Variants in FNDC3B observed in about 807,000 individuals in gnomAD.
FNDC3B encodes the protein fibronectin type III domain containing 3B.
FNDC3B carries 12 observed loss-of-function variants against 151.5 expected under a neutral mutation model. The ratio of observed to expected loss-of-function variants is 0.08; its 90% CI spans 0.05 to 0.13. The LOEUF (loss-of-function observed/expected upper bound fraction) is 0.13. Among genes scored for constraint, FNDC3B ranks in the 10% least tolerant of loss-of-function variants. FNDC3B has a pLI of 1.00. For missense variants in FNDC3B, 1,214 were observed against 1,505.3 expected (o/e 0.81, Z 3.20); for synonymous variants, 528 against 549.0 (o/e 0.96, Z 0.54).
chr3:172,318,408 C>T (rs1427231393), intron 11 of FNDC3B, among the ~76,000 whole-genome samples: 2 of 152,182 alleles, frequency 1.3e-5, no homozygotes, highest in Admixed American at 6.5e-5. Context: ...ATTGAGTTGG[C>T]CCCGTAGAAG....
At chr3:172,319,035 GC>G (rs1288108334) in intron 11 of FNDC3B, among the ~76,000 whole-genome samples, 4 of 152,326 alleles carry the variant, frequency 2.6e-5, no homozygotes, top group Middle Eastern at 3.4e-3. Flanking sequence ...CAGATTCTCT[GC>G]CTTCTCTCTT....
intron 3 of FNDC3B, among the ~76,000 whole-genome samples, chr3:172,193,574 A>G (rs1304177935): frequency 6.6e-6 from 1 of 151,210 alleles, no homozygotes; most frequent in Non-Finnish European, 1.5e-5. Context: ...CATGCCCTGT[A>G]GCATTTTGAT....
intron 25 of FNDC3B, among the ~76,000 whole-genome samples, chr3:172,384,763 G>A (rs1162088642): frequency 1.3e-5 from 2 of 152,082 alleles, no homozygotes; most frequent in East Asian, 3.8e-4. Context: ...GATTTTATTG[G>A]CAGATGATCT....
In FNDC3B at chr3:172,251,512, G is replaced by T. The variant is rs1266286740; in HGVS notation, c.761G>T (p.Ser254Ile). ...AAAACAGAGCGACGAGCAAGAAGCA[G>T]CCCAAAGTCGAATGATTCAGACTTG... Reference protein sequence around the residue: ...IKKTERRARSSPKSNDSDLQE... With the variant: ...IKKTERRARSIPKSNDSDLQE... The change falls in exon 6 of 26, where the codon AGC (serine) becomes ATC (isoleucine). Residue 254 changes from serine (S) to isoleucine (I), a missense_variant. Physicochemically the swap from Ser to Ile is moderately radical, Grantham distance 142. Around this residue, in one of 7 missense-constraint regions of FNDC3B, gnomAD observed 166 missense variants for 173.2 expected, o/e 0.96. Coordinates refer to ENST00000415807, the MANE Select transcript of FNDC3B (RefSeq NM_022763.4). 6.2e-7 allele frequency: 1 copy of T among 1,613,446 alleles called. No individual in the cohort carries two copies. The highest frequency in any genetic ancestry group is 1.3e-5 in the African/African-American group (1 of 74,918).
At chr3:172,154,039 C>T (rs938671203) in intron 3 of FNDC3B, among the ~76,000 whole-genome samples, 14 of 152,220 alleles carry the variant, frequency 9.2e-5, no homozygotes, top group African/African-American at 2.6e-4. Flanking sequence ...GTCAGCTTCC[C>T]GCTTGATGCT....
At chr3:172,313,319 G>T (rs1404438938) in intron 11 of FNDC3B, among the ~76,000 whole-genome samples, 1 of 152,192 alleles carries the variant, frequency 6.6e-6, no homozygotes, top group African/African-American at 2.4e-5. Flanking sequence ...CCAAGATTAG[G>T]AAATATGGGT....
At chr3:172,205,615 C>A (rs183028124) in intron 3 of FNDC3B, among the ~76,000 whole-genome samples, 1 of 152,178 alleles carries the variant, frequency 6.6e-6, no homozygotes, top group Admixed American at 6.5e-5. Flanking sequence ...CTACGGTTGG[C>A]GAGGGAAGAA....
At chr3:172,111,014 G>A (rs1011779714) in intron 1 of FNDC3B, among the ~76,000 whole-genome samples, 3 of 150,172 alleles carry the variant, frequency 2.0e-5, no homozygotes, top group Non-Finnish European at 3.0e-5. Flanking sequence ...CAGGAGAATC[G>A]CTTGAACCTG....
At chr3:172,368,722 C>T (rs1734748136) in intron 23 of FNDC3B, among the ~76,000 whole-genome samples, 1 of 152,156 alleles carries the variant, frequency 6.6e-6, no homozygotes, top group Non-Finnish European at 1.5e-5. Flanking sequence ...ATTTTAGAAA[C>T]ATTCTTGGCC....
chr3:172,184,734 C>G (rs542673248), intron 3 of FNDC3B, among the ~76,000 whole-genome samples: 1 of 152,302 alleles, frequency 6.6e-6, no homozygotes, highest in South Asian at 2.1e-4. Context: ...TGAGTTTCAA[C>G]ACCAGTCATT....
At chr3:172,164,931 A>G (rs757252969) in intron 3 of FNDC3B, among the ~76,000 whole-genome samples, 1 of 152,236 alleles carries the variant, frequency 6.6e-6, no homozygotes, top group Non-Finnish European at 1.5e-5. Flanking sequence ...CAAGTGTTCT[A>G]TTATGGCTTT....
At chr3:172,386,491 C>T (rs1171360361) in intron 25 of FNDC3B, among the ~76,000 whole-genome samples, 1 of 152,058 alleles carries the variant, frequency 6.6e-6, no homozygotes, top group Admixed American at 6.5e-5. Context: ...GCCTGTAATC[C>T]CAGCCCTTTG....
chr3:172,065,525 G>T (rs1181020017), intron 1 of FNDC3B, among the ~76,000 whole-genome samples: 1 of 152,184 alleles, frequency 6.6e-6, no homozygotes, highest in Non-Finnish European at 1.5e-5. Context: ...TGACAGGATC[G>T]CTGTTCAGTT....
chr3:172,247,401 A>G, intron 4 of FNDC3B, 132 bp from the exon 5 acceptor site: 3 of 943,178 alleles, frequency 3.2e-6, no homozygotes. Flanking sequence ...CTAGAGAACC[A>G]GAATACAACA....
chr3:172,383,525 C>G (rs530653203), intron 25 of FNDC3B, among the ~76,000 whole-genome samples: 17 of 152,310 alleles, frequency 1.1e-4, no homozygotes, highest in African/African-American at 4.1e-4. Context: ...TTCAGAAGCT[C>G]TAAGTCATGC....
chr3:172,247,309 A>G (rs1391684121), intron 4 of FNDC3B, among the ~76,000 whole-genome samples: 3 of 152,370 alleles, frequency 2.0e-5, no homozygotes, highest in African/African-American at 7.2e-5. Flanking sequence ...TGGGATCAGA[A>G]TCAGATGTCA....
chr3:172,238,330 A>AT (rs543629700), intron 4 of FNDC3B, among the ~76,000 whole-genome samples: 4 of 152,172 alleles, frequency 2.6e-5, no homozygotes, highest in East Asian at 1.9e-4. Context: ...AAATTTTTGT[A>AT]TTTTTTATAG....
At chr3:172,255,379 C>CATAA (rs1728279834) in intron 6 of FNDC3B, among the ~76,000 whole-genome samples, 1 of 152,190 alleles carries the variant, frequency 6.6e-6, no homozygotes, top group African/African-American at 2.4e-5. Context: ...AGCGATTCTT[C>CATAA]TGCCTCAGCC....
chr3:172,367,671 C>T (rs1734699917), intron 23 of FNDC3B, among the ~76,000 whole-genome samples: 1 of 152,214 alleles, frequency 6.6e-6, no homozygotes, highest in Non-Finnish European at 1.5e-5. Context: ...TTATGCTGCC[C>T]TAACAGAATC....
Sources: allele counts gnomAD v4.1 joint callset (sites outside exome capture counted in the v4.1 genomes callset), GRCh38; gene constraint gnomAD v4.1.1; regional missense constraint gnomAD v4.1.1; transcripts MANE v1.5; gene names NCBI Gene and HGNC (gene_info 2026-07-23, HGNC 2026-07-21).